Variants in PDE8A observed in about 807,000 individuals in gnomAD.
PDE8A encodes the protein high affinity cAMP-specific and IBMX-insensitive 3',5'-cyclic phosphodiesterase 8A.
A neutral mutation model predicts 105.0 loss-of-function variants in PDE8A; 59 were observed. That is an observed-to-expected ratio of 0.56 (90% CI 0.46 to 0.70). The LOEUF (loss-of-function observed/expected upper bound fraction) is 0.70. Among genes scored for constraint, PDE8A ranks in the 30% least tolerant of loss-of-function variants. PDE8A has a pLI of 0.00. For synonymous variants in PDE8A, 355 were observed against 371.9 expected (o/e 0.95, Z 0.52); for missense variants, 1,014 against 1,045.9 (o/e 0.97, Z 0.42).
In PDE8A at chr15:85,137,839, A is replaced by G. The variant is rs1473279672; in HGVS notation, c.2426A>G (p.Asn809Ser). ...LPDLMQHLDN[N>S]FKYWKGLDEM... ...GATTTAATGCAGCATCTTGACAACA[A>G]CTTTAAATACTGGAAAGGACTGGAC... Residue 809 changes from asparagine (N) to serine (S), a missense_variant, in exon 22 of 22, where the codon AAC becomes AGC. Physicochemically the swap from Asn to Ser is conservative, Grantham distance 46. Transcript: ENST00000394553. The G allele has an allele frequency of 1.9e-6, 3 of 1,613,814 alleles. No homozygotes were observed. In the South Asian group the frequency reaches 3.3e-5, roughly 18 times the overall value.
In PDE8A at chr15:85,113,903, A is replaced by G. The variant is rs2082056346; in HGVS notation, c.1216A>G (p.Ser406Gly). 2.5e-6 allele frequency: 4 copies of G among 1,613,370 alleles called. No individual in the cohort carries two copies. Among genetic ancestry groups the G allele is most frequent in the East Asian group, 4.5e-5 (2 of 44,882 alleles). ...CAATATTATCAATGCTGCCCAGGAA[A>G]GTAGTCCCATGCCTGTGACAGAAGC... ...VINIINAAQE[S>G]SPMPVTEALD... The change falls in exon 14 of 22, where the codon AGT (serine) becomes GGT (glycine). Residue 406 changes from serine (S) to glycine (G), a missense_variant. Transcript: ENST00000394553.
chr15:85,123,157 C>T lies in PDE8A; in HGVS notation c.2049C>T (p.Ser683=), dbSNP rs1416567169. The T allele has an allele frequency of 1.9e-6, 3 of 1,613,978 alleles. No individual in the cohort carries two copies. Among genetic ancestry groups the T allele is most frequent in the Non-Finnish European group, 2.5e-6 (3 of 1,179,898 alleles). The change falls in exon 19 of 22, where the codon AGC becomes AGT. Residue 683 remains serine, a synonymous_variant. Coordinates refer to ENST00000394553, the MANE Select transcript of PDE8A (RefSeq NM_002605.3). The stretch of plus-strand genomic sequence containing the variant: ...AGCATGTCAACAAATTTGTCAACAG[C>T]ATCAACAAACCCTTGGCAACACTAG... ...HFEHVNKFVN[S]INKPLATLEE...
At chr15:85,017,175 G>A (rs1181501979) in intron 1 of PDE8A, among the ~76,000 whole-genome samples, 1 of 151,456 alleles carries the variant, frequency 6.6e-6, no homozygotes, top group African/African-American at 2.4e-5. Flanking sequence ...GCAGGAGAAT[G>A]GCGTGAACCC....
rs964780200 is a variant in PDE8A at position 85,029,308 on chromosome 15, G to A, written c.187-35062G>A. ...TAAAATATATTTTCTCAATAAGTTA[G>A]TGTTGGCTACCGTCGGAAACTTACA... is the stretch of plus-strand genomic sequence containing the variant. On this transcript the variant is annotated intron_variant, in intron 1 of 21. Transcript: ENST00000394553. Among the ~76,000 whole-genome samples, 7 of 151,884 alleles carry A rather than the reference G, an allele frequency of 4.6e-5. No individual in the cohort carries two copies. The South Asian group carries it at 6.2e-4, about 14-fold the overall frequency.
chr15:85,069,707 A>C (rs550854951), intron 3 of PDE8A, among the ~76,000 whole-genome samples: 49 of 151,998 alleles, frequency 3.2e-4, no homozygotes, highest in Non-Finnish European at 6.6e-4. Context: ...AGTCCCCTCC[A>C]CTGTGCTAGC....
intron 1 of PDE8A, among the ~76,000 whole-genome samples, chr15:85,041,586 G>A (rs1042399335): frequency 6.6e-6 from 1 of 152,288 alleles, no homozygotes; most frequent in East Asian, 1.9e-4. Context: ...CCACCATTTT[G>A]TTAAAAATGT....
chr15:85,089,395 A>G lies in PDE8A; in HGVS notation c.693A>G (p.Thr231=). The G allele has an allele frequency of 6.3e-7, 1 of 1,589,632 alleles. No homozygotes were observed. Among genetic ancestry groups the G allele is most frequent in the South Asian group, 1.1e-5 (1 of 89,482 alleles). The part of the protein sequence containing the change: ...LENSEDAIEI[T]SEDRFIQYAN... ...ACAGTGAAGATGCAATTGAAATTACAAGCGAAGACCGTTTTATACAGGTTT... is the reference window on the plus strand; with the variant it reads ...ACAGTGAAGATGCAATTGAAATTACGAGCGAAGACCGTTTTATACAGGTTT... Residue 231 remains threonine (T), a synonymous_variant, in exon 7 of 22, where the codon ACA becomes ACG. Coordinates refer to ENST00000394553, the MANE Select transcript of PDE8A (RefSeq NM_002605.3).
At chr15:85,025,922 C>T (rs1036833719) in intron 1 of PDE8A, among the ~76,000 whole-genome samples, 1 of 152,182 alleles carries the variant, frequency 6.6e-6, no homozygotes, top group Non-Finnish European at 1.5e-5. Context: ...GCAAAACACT[C>T]TGTAATCTGC....
rs1596519015 is a variant in PDE8A at position 85,100,085 on chromosome 15, C to T, written c.993+19C>T. 1 of 1,613,560 alleles carries T rather than the reference C, an allele frequency of 6.2e-7. No homozygotes were observed. Among genetic ancestry groups the T allele is most frequent in the Middle Eastern group, 1.7e-4 (1 of 6,058 alleles). On this transcript the variant is annotated intron_variant, in intron 10 of 21. Transcript: ENST00000394553. ...CAATAAGGTACGTAAGGAGAGCCCC[C>T]CGGGGCCCCAGGAACACCCCAGCAA...
At chr15:85,133,357 C>G (rs561425369) in intron 20 of PDE8A, among the ~76,000 whole-genome samples, 2 of 152,160 alleles carry the variant, frequency 1.3e-5, no homozygotes, top group Admixed American at 1.3e-4. Context: ...AGAGACCAAT[C>G]CTTCAGGCAG....
chr15:85,082,913 C>G (rs1389083298), intron 5 of PDE8A, among the ~76,000 whole-genome samples: 1 of 152,174 alleles, frequency 6.6e-6, no homozygotes, highest in African/African-American at 2.4e-5. Context: ...TGAGATATTT[C>G]CACTATGTAA....
chr15:84,993,286 A>G (rs1213578937), intron 1 of PDE8A, among the ~76,000 whole-genome samples: 2 of 151,940 alleles, frequency 1.3e-5, no homozygotes, highest in African/African-American at 4.8e-5. Context: ...TTCTAAAAAT[A>G]CAAAAAATTA....
At chr15:84,994,533 A>G (rs2079943477) in intron 1 of PDE8A, among the ~76,000 whole-genome samples, 1 of 152,214 alleles carries the variant, frequency 6.6e-6, no homozygotes, top group Non-Finnish European at 1.5e-5. Flanking sequence ...AGCAATCTTG[A>G]AGGATTTTTC....
intron 9 of PDE8A, chr15:85,099,675 T>G: frequency 4.1e-6 from 1 of 241,444 alleles, no homozygotes; most frequent in Non-Finnish European, 8.0e-6. Context: ...AAGAAAAGCA[T>G]CAATGTAAAG....
At chr15:85,078,412 G>T (rs897827045) in intron 5 of PDE8A, among the ~76,000 whole-genome samples, 2 of 151,894 alleles carry the variant, frequency 1.3e-5, no homozygotes, top group African/African-American at 4.8e-5. Flanking sequence ...TGGGCATGGT[G>T]GTGCACACCT....
intron 1 of PDE8A, among the ~76,000 whole-genome samples, chr15:85,032,287 C>T (rs1286170401): frequency 6.6e-6 from 1 of 152,174 alleles, no homozygotes; most frequent in East Asian, 1.9e-4. Context: ...TCTCTTGACC[C>T]TTTTCCTGAT....
intron 1 of PDE8A, among the ~76,000 whole-genome samples, chr15:85,027,319 A>G (rs1025588920): frequency 6.6e-6 from 1 of 152,228 alleles, no homozygotes; most frequent in African/African-American, 2.4e-5. Flanking sequence ...TTTTAGAGAC[A>G]GTCAGAAAAT....
chr15:85,119,475 A>AAAAAAAAAAAC (rs2082147269), intron 17 of PDE8A, among the ~76,000 whole-genome samples: 1 of 150,378 alleles, frequency 6.6e-6, no homozygotes, highest in Non-Finnish European at 1.5e-5. Context: ...TCTCAAAAAA[A>AAAAAAAAAAAC]AAAAAACATT....
At chr15:85,098,834 A>C (rs1212336008) in intron 9 of PDE8A, among the ~76,000 whole-genome samples, 1 of 152,024 alleles carries the variant, frequency 6.6e-6, no homozygotes, top group Non-Finnish European at 1.5e-5. Context: ...GGTGACACAC[A>C]CCTATCAGTT....
Sources: gnomAD v4.1 joint callset for allele counts (sites outside exome capture counted in the v4.1 genomes callset) on GRCh38, gnomAD v4.1.1 for gene constraint, MANE v1.5 for transcripts, NCBI Gene and HGNC (gene_info 2026-07-23, HGNC 2026-07-21) for gene names.